MACROD2: variants seen among roughly 807,000 people sequenced by gnomAD.
The protein encoded by MACROD2 is ADP-ribose glycohydrolase MACROD2.
A neutral mutation model predicts 70.4 loss-of-function variants in MACROD2; 36 were observed. The observed-to-expected ratio is 0.51, with a 90% CI of 0.39 to 0.68. MACROD2 has a LOEUF of 0.68. MACROD2 is among the 30% of genes least tolerant of loss of function. MACROD2 has a pLI of 0.00. For synonymous variants in MACROD2, 172 were observed against 178.8 expected (o/e 0.96, Z 0.30); for missense variants, 496 against 538.4 (o/e 0.92, Z 0.78).
At chr20:14,298,700 T>G (rs149691240) in intron 3 of MACROD2, among the ~76,000 whole-genome samples, 1 of 151,564 alleles carries the variant, frequency 6.6e-6, no homozygotes. Context: ...ATAAGAACAT[T>G]TGTGACTCAT....
chr20:14,642,079 G>T (rs1050049899), intron 4 of MACROD2, among the ~76,000 whole-genome samples: 2 of 152,184 alleles, frequency 1.3e-5, no homozygotes, highest in African/African-American at 4.8e-5. Context: ...AATTGTTTTA[G>T]CTAGATCTTC....
chr20:14,917,021 T>C (rs1350180750), intron 5 of MACROD2, among the ~76,000 whole-genome samples: 1 of 151,902 alleles, frequency 6.6e-6, no homozygotes, highest in Non-Finnish European at 1.5e-5. Flanking sequence ...AAATAACAAA[T>C]GGTGCCATTC....
At chr20:15,683,001 A>T (rs577920268) in intron 8 of MACROD2, among the ~76,000 whole-genome samples, 55 of 152,316 alleles carry the variant, frequency 3.6e-4, no homozygotes, top group Admixed American at 2.7e-3. Flanking sequence ...ACCCCAGGAG[A>T]TAGTAGTTAA....
At chr20:14,028,659 C>T (rs1315669519) in intron 2 of MACROD2, among the ~76,000 whole-genome samples, 1 of 152,118 alleles carries the variant, frequency 6.6e-6, no homozygotes, top group African/African-American at 2.4e-5. Flanking sequence ...CTCATGGCTT[C>T]CCTTGGCTAG....
intron 6 of MACROD2, among the ~76,000 whole-genome samples, chr20:15,253,151 A>T (rs6043155): frequency 6.6e-6 from 1 of 152,136 alleles, no homozygotes; most frequent in African/African-American, 2.4e-5. Context: ...TCATCAAAAT[A>T]GGCAGGAAAG....
intron 3 of MACROD2, among the ~76,000 whole-genome samples, chr20:14,484,816 C>T (rs567185402): frequency 6.6e-6 from 1 of 152,174 alleles, no homozygotes; most frequent in South Asian, 2.1e-4. Flanking sequence ...GTAGCTGTAC[C>T]ATGTTTTCTT....
intron 8 of MACROD2, among the ~76,000 whole-genome samples, chr20:15,648,881 A>G (rs1052238185): frequency 6.6e-6 from 1 of 152,190 alleles, no homozygotes; most frequent in Non-Finnish European, 1.5e-5. Context: ...CCTATCTGTT[A>G]AAACTCTTTA....
intron 8 of MACROD2, among the ~76,000 whole-genome samples, chr20:15,665,295 C>T (rs2049881609): frequency 6.6e-6 from 1 of 152,166 alleles, no homozygotes; most frequent in Non-Finnish European, 1.5e-5. Context: ...TTAAAAGCCT[C>T]ATCACTAAAC....
At chr20:14,112,787 T>C (rs2148686417) in intron 3 of MACROD2, among the ~76,000 whole-genome samples, 1 of 152,052 alleles carries the variant, frequency 6.6e-6, no homozygotes, top group South Asian at 2.1e-4. Context: ...AATTCCAGTC[T>C]TTAATTTACA....
At chr20:14,703,451 T>C (rs1396006281) in intron 5 of MACROD2, among the ~76,000 whole-genome samples, 1 of 152,148 alleles carries the variant, frequency 6.6e-6, no homozygotes, top group Non-Finnish European at 1.5e-5. Flanking sequence ...TATAAACAAA[T>C]GTTAGGTATA....
At chr20:15,468,860 C>A (rs2046929523) in intron 7 of MACROD2, among the ~76,000 whole-genome samples, 1 of 152,138 alleles carries the variant, frequency 6.6e-6, no homozygotes. Flanking sequence ...AACATTTTTG[C>A]TCTCTTAGAA....
chr20:14,302,986 T>C (rs1568545871), intron 3 of MACROD2, among the ~76,000 whole-genome samples: 1 of 152,090 alleles, frequency 6.6e-6, no homozygotes, highest in African/African-American at 2.4e-5. Flanking sequence ...AGTATAAAAT[T>C]ATTTTGCATT....
chr20:14,440,593 T>C (rs1368495481), intron 3 of MACROD2, among the ~76,000 whole-genome samples: 1 of 152,212 alleles, frequency 6.6e-6, no homozygotes, highest in African/African-American at 2.4e-5. Context: ...GTGCCTGATC[T>C]TCTATATGAG....
intron 5 of MACROD2, among the ~76,000 whole-genome samples, chr20:14,982,825 C>T (rs981609388): frequency 3.9e-5 from 6 of 152,140 alleles, no homozygotes; most frequent in African/African-American, 1.4e-4. Context: ...GGGTGGGAGC[C>T]CCCACACAGA....
chr20:15,694,120 G>A (rs117648830), intron 8 of MACROD2, among the ~76,000 whole-genome samples: 6,583 of 152,240 alleles, frequency 0.043, 289 homozygotes, highest in East Asian at 0.21. Context: ...GTTGATTGAT[G>A]GGCATTTTGG....
intron 5 of MACROD2, among the ~76,000 whole-genome samples, chr20:15,120,312 G>A (rs946586349): frequency 5.3e-5 from 8 of 152,080 alleles, no homozygotes; most frequent in Admixed American, 2.6e-4. Context: ...CTGTGCATAT[G>A]CGCACACATT....
At chr20:15,310,262 A>G (rs2077738084) in intron 6 of MACROD2, among the ~76,000 whole-genome samples, 1 of 152,150 alleles carries the variant, frequency 6.6e-6, no homozygotes, top group Non-Finnish European at 1.5e-5. Flanking sequence ...CCTACCAGGT[A>G]GAAAGGTAAG....
chr20:14,023,103 G>A (rs955229066), intron 2 of MACROD2, among the ~76,000 whole-genome samples: 2 of 152,186 alleles, frequency 1.3e-5, no homozygotes. Flanking sequence ...CATTCTAACT[G>A]GCGTGAGATA....
chr20:14,158,974 C>T (rs546503355), intron 3 of MACROD2, among the ~76,000 whole-genome samples: 7 of 152,224 alleles, frequency 4.6e-5, no homozygotes, highest in East Asian at 1.9e-4. Flanking sequence ...TGGTGGCTCA[C>T]GCCTGTAATC....
Sources: allele counts gnomAD v4.1 joint callset (sites outside exome capture counted in the v4.1 genomes callset), GRCh38; gene constraint gnomAD v4.1.1; transcripts MANE v1.5; gene names NCBI Gene and HGNC (gene_info 2026-07-23, HGNC 2026-07-21).